The following FGFR2 variants were observed in gnomAD, a reference collection of about 807,000 sequenced individuals.
FGFR2 encodes BEK fibroblast growth factor receptor.
In FGFR2, 19 loss-of-function variants were observed where a neutral mutation model predicts 95.9. The observed-to-expected ratio is 0.20, with a 90% CI of 0.14 to 0.29. FGFR2 has a LOEUF of 0.29. Among genes scored for constraint, FGFR2 ranks in the 10% least tolerant of loss-of-function variants. The pLI is 1.00. For synonymous variants in FGFR2, 392 were observed against 393.3 expected (o/e 1.00, Z 0.04); for missense variants, 707 against 1,056.9 (o/e 0.67, Z 4.59).
chr10:121,512,586 A>G (rs1236109664), intron 9 of FGFR2, among the ~76,000 whole-genome samples: 1 of 150,996 alleles, frequency 6.6e-6, no homozygotes, highest in Non-Finnish European at 1.5e-5. Context: ...TTTGAGTTGG[A>G]GTCTCGCTGT....
intron 2 of FGFR2, among the ~76,000 whole-genome samples, chr10:121,575,018 C>G (rs1048676628): frequency 9.2e-5 from 14 of 152,212 alleles, no homozygotes; most frequent in African/African-American, 3.4e-4. Flanking sequence ...CTAACAGCCG[C>G]CTCTGCAGCG....
At chr10:121,596,520 C>A (rs1863445791) in intron 1 of FGFR2, 1 of 194,794 alleles carries the variant, frequency 5.1e-6, no homozygotes, top group Non-Finnish European at 1.1e-5. Context: ...GGAAAGTCAA[C>A]AGTGTCCGGC....
intron 2 of FGFR2, among the ~76,000 whole-genome samples, chr10:121,581,591 GAAAA>G (rs1860892787): frequency 7.0e-6 from 1 of 141,854 alleles, no homozygotes; most frequent in Non-Finnish European, 1.5e-5. Flanking sequence ...AAAAAAAAAA[GAAAA>G]AAAGAAAGAA....
At chr10:121,487,172 G>A (rs563384442) in intron 15 of FGFR2, among the ~76,000 whole-genome samples, 182 bp downstream of exon 15, 1 of 152,366 alleles carries the variant, frequency 6.6e-6, no homozygotes, top group Non-Finnish European at 1.5e-5. Context: ...AAGCCAGGCA[G>A]ATTAGTAACA....
At chr10:121,563,503 C>A (rs1467438118) in intron 4 of FGFR2, among the ~76,000 whole-genome samples, 3 of 152,134 alleles carry the variant, frequency 2.0e-5, no homozygotes, top group Non-Finnish European at 4.4e-5. Context: ...CAGAGAATCC[C>A]AATACCCTAT....
At chr10:121,572,531 G>A (rs1858974527) in intron 2 of FGFR2, among the ~76,000 whole-genome samples, 1 of 151,946 alleles carries the variant, frequency 6.6e-6, no homozygotes, top group African/African-American at 2.4e-5. Context: ...AGGCAGAGGA[G>A]AATCGTTTAA....
intron 11 of FGFR2, among the ~76,000 whole-genome samples, chr10:121,499,916 A>C (rs1847373324): frequency 6.6e-6 from 1 of 152,216 alleles, no homozygotes; most frequent in African/African-American, 2.4e-5. Flanking sequence ...CCAGCCTGCT[A>C]CTTCCCCTTG....
chr10:121,579,084 G>A (rs772950416), intron 2 of FGFR2, among the ~76,000 whole-genome samples: 1 of 152,196 alleles, frequency 6.6e-6, no homozygotes, highest in Non-Finnish European at 1.5e-5. Flanking sequence ...AGTAGTGAAC[G>A]TGTCAGCTTG....
rs953983551 is a variant in FGFR2 at position 121,500,899 on chromosome 10, G to T, written c.1488C>A (p.Val496=). 6.2e-7 allele frequency: 1 copy of T among 1,614,170 alleles called. No individual in the cohort carries two copies. Among genetic ancestry groups the T allele is most frequent in the Non-Finnish European group, 8.5e-7 (1 of 1,180,034 alleles). ...TGTCAATTCCCACTGCTTCCGCCAT[G>T]ACCACTTGCCCAAAGCAACCTTCTC... ...PLGEGCFGQV[V]MAEAVGIDKD... The change falls in exon 11 of 18, where the codon GTC becomes GTA. Residue 496 remains valine, a synonymous_variant. Coordinates refer to ENST00000358487, the MANE Select transcript of FGFR2 (RefSeq NM_000141.5).
chr10:121,598,283 C>A lies in FGFR2; in HGVS notation c.-472G>T, dbSNP rs1471967778. On this transcript the variant is annotated 5_prime_UTR_variant, in exon 1 of 18. Coordinates refer to ENST00000358487, the MANE Select transcript of FGFR2 (RefSeq NM_000141.5). Reference sequence around the variant, plus strand: ...AGGCAAGCTGCGGCCTCGGGGCCCCCGGGGCTCGCGGCCGGCCCCCGCCAG... The same window carrying A: ...AGGCAAGCTGCGGCCTCGGGGCCCCAGGGGCTCGCGGCCGGCCCCCGCCAG... 7.9e-6 allele frequency: 3 copies of A among 378,134 alleles called. No individual in the cohort carries two copies. Among genetic ancestry groups the A allele is most frequent in the Non-Finnish European group, 1.4e-5 (3 of 212,880 alleles). The allele number at this position is 378,134 out of a possible 1,614,324, so 23.4% of individuals were successfully genotyped here.
At chr10:121,527,835 C>G (rs551122708) in intron 6 of FGFR2, 1 of 152,158 alleles carries the variant, frequency 6.6e-6, no homozygotes, top group African/African-American at 2.4e-5. Flanking sequence ...GGCTCCCTCC[C>G]GAGGAGCTGA....
intron 4 of FGFR2, among the ~76,000 whole-genome samples, chr10:121,560,433 T>G (rs984856807): frequency 3.3e-5 from 5 of 151,824 alleles, no homozygotes; most frequent in Non-Finnish European, 7.4e-5. Context: ...GCTAACATGG[T>G]GGAACCCCAT....
chr10:121,586,176 G>A (rs927812299), intron 2 of FGFR2, among the ~76,000 whole-genome samples: 3 of 152,110 alleles, frequency 2.0e-5, no homozygotes, highest in South Asian at 2.1e-4. Context: ...AGTAATATAG[G>A]AGCTCAAGGG....
Position 121,593,583 on chromosome 10 carries a change from C to T in FGFR2, c.109+126G>A, listed in dbSNP as rs3135723. Reference sequence around the variant, plus strand: ...CTCTGCCTTGCCGGGAGCCAAGAGACCACGATCTGGTGCTCTTAGAAGCCC... The same window carrying T: ...CTCTGCCTTGCCGGGAGCCAAGAGATCACGATCTGGTGCTCTTAGAAGCCC... On this transcript the variant is annotated intron_variant, in intron 2 of 17. Coordinates refer to ENST00000358487, the MANE Select transcript of FGFR2 (RefSeq NM_000141.5). The T allele has an allele frequency of 1.6e-4, 135 of 847,080 alleles. No individual in the cohort carries two copies. The East Asian group carries it at 3.1e-3, about 19-fold the overall frequency. The allele number at this position is 847,080 out of a possible 1,614,324, so 52.5% of individuals were successfully genotyped here.
intron 8 of FGFR2, 47 bp from the exon 9 acceptor site, chr10:121,515,366 G>GT: frequency 6.4e-7 from 1 of 1,565,236 alleles, no homozygotes; most frequent in Non-Finnish European, 8.8e-7. Context: ...AGGCCATAGA[G>GT]TTAGCACACC....
intron 5 of FGFR2, among the ~76,000 whole-genome samples, chr10:121,547,648 C>T (rs1235887567): frequency 6.6e-6 from 1 of 152,178 alleles, no homozygotes; most frequent in Non-Finnish European, 1.5e-5. Flanking sequence ...CCTCCTGCCT[C>T]AGCCTCCCAA....
intron 14 of FGFR2, 111 bp downstream of exon 14, chr10:121,487,880 G>T: frequency 7.3e-7 from 1 of 1,363,206 alleles, no homozygotes; most frequent in Non-Finnish European, 1.0e-6. Context: ...CGGGGCAGGG[G>T]AATGGGTCCC....
At chr10:121,535,447 T>C (rs1440712413) in intron 6 of FGFR2, among the ~76,000 whole-genome samples, 1 of 152,228 alleles carries the variant, frequency 6.6e-6, no homozygotes. Flanking sequence ...TTCCACGGCA[T>C]AAGCCGCTTT....
intron 13 of FGFR2, among the ~76,000 whole-genome samples, chr10:121,495,436 G>A (rs551943809): frequency 2.0e-4 from 31 of 152,174 alleles, no homozygotes; most frequent in Non-Finnish European, 4.0e-4. Flanking sequence ...GTTGAGGTGG[G>A]AGGCTCACCT....
Sources: gnomAD v4.1 joint callset for allele counts (sites outside exome capture counted in the v4.1 genomes callset) on GRCh38, gnomAD v4.1.1 for gene constraint, MANE v1.5 for transcripts, NCBI Gene and HGNC (gene_info 2026-07-23, HGNC 2026-07-21) for gene names.